Variants in KLF13 observed in about 807,000 individuals in gnomAD.
KLF13 encodes the protein Krueppel-like factor 13.
A neutral mutation model predicts 16.7 loss-of-function variants in KLF13; 8 were observed. The ratio of observed to expected loss-of-function variants is 0.48; its 90% CI spans 0.28 to 0.87. The LOEUF (loss-of-function observed/expected upper bound fraction) is 0.87, where lower values mean the gene tolerates loss of function less well. Among genes scored for constraint, KLF13 ranks in the 40% least tolerant of loss-of-function variants. The pLI is 0.10. For synonymous variants in KLF13, 245 were observed against 208.4 expected (o/e 1.18, Z -1.51); for missense variants, 447 against 452.2 (o/e 0.99, Z 0.10).
At chr15:31,380,741 T>C (rs1566827757), downstream of KLF13, among the ~76,000 whole-genome samples, 2 of 152,224 alleles carry the variant, frequency 1.3e-5, no homozygotes, top group Non-Finnish European at 2.9e-5. Context: ...AGTAAAGACA[T>C]GCAGCTACTC....
At position 31,377,201 on chromosome 15, in the gene KLF13, A is replaced by T. The variant is rs1386248462; in HGVS notation, c.*4902A>T. The T allele has an allele frequency of 6.6e-6, 1 of 152,634 alleles. No homozygotes were observed. Among genetic ancestry groups the T allele is most frequent in the East Asian group, 1.9e-4 (1 of 5,194 alleles). 9.5% of individuals were successfully genotyped at this position (152,634 alleles called of 1,614,324 possible). A position where few individuals can be genotyped will look rare whatever the true frequency, so the allele number is the denominator to read the frequency against. ...TGAGAGGAGCAAGAGGCCACCTCCC[A>T]TGTGGCTCTAGACACCACGTGGGCT... On this transcript the variant is annotated 3_prime_UTR_variant, in exon 2 of 2. Coordinates refer to ENST00000307145, the MANE Select transcript of KLF13 (RefSeq NM_015995.4).
At chr15:31,347,118 G>T (rs1456797933) in intron 1 of KLF13, among the ~76,000 whole-genome samples, 1 of 152,196 alleles carries the variant, frequency 6.6e-6, no homozygotes, top group East Asian at 1.9e-4. Context: ...AGGTCAAGCA[G>T]GGAATTCAGG....
intron 1 of KLF13, among the ~76,000 whole-genome samples, chr15:31,384,888 G>A (rs1159445325): frequency 6.6e-6 from 1 of 152,190 alleles, no homozygotes; most frequent in Non-Finnish European, 1.5e-5. Context: ...ATCCATACCT[G>A]CTATGGACTG....
intron 1 of KLF13, among the ~76,000 whole-genome samples, chr15:31,426,358 A>G (rs2040401464): frequency 6.6e-6 from 1 of 152,244 alleles, no homozygotes; most frequent in Admixed American, 6.5e-5. Flanking sequence ...TAAAACTCCT[A>G]GAAGAAAACA....
intron 2 of KLF13, among the ~76,000 whole-genome samples, chr15:31,398,244 G>C (rs2039982743): frequency 1.3e-5 from 2 of 152,184 alleles, no homozygotes; most frequent in Admixed American, 6.5e-5. Context: ...CCAGGCCTCA[G>C]AGGCACAACC....
upstream of KLF13, among the ~76,000 whole-genome samples, chr15:31,392,021 T>C (rs1418187044): frequency 1.3e-5 from 2 of 151,706 alleles, no homozygotes; most frequent in African/African-American, 4.8e-5. Flanking sequence ...GGCCGGGCCA[T>C]TCACTGCCTC....
intron 2 of KLF13, among the ~76,000 whole-genome samples, chr15:31,395,129 G>A (rs1040762849): frequency 6.6e-5 from 10 of 152,046 alleles, no homozygotes; most frequent in Admixed American, 3.9e-4. Context: ...GCAGATGCCC[G>A]CCACCACGCC....
intron 1 of KLF13, among the ~76,000 whole-genome samples, chr15:31,421,392 C>T (rs1008897001): frequency 3.9e-5 from 6 of 151,966 alleles, no homozygotes; most frequent in African/African-American, 1.5e-4. Context: ...AATGGTGGTA[C>T]ATAAATCACA....
chr15:31,378,776 T>C (rs2140973636), downstream of KLF13, among the ~76,000 whole-genome samples: 2 of 152,316 alleles, frequency 1.3e-5, 1 homozygote. Flanking sequence ...TGGAGTGCAA[T>C]GGTGGCAATC....
chr15:31,345,103 T>A (rs1280241105), intron 1 of KLF13, among the ~76,000 whole-genome samples: 1 of 152,140 alleles, frequency 6.6e-6, no homozygotes, highest in Admixed American at 6.5e-5. Flanking sequence ...GGGGGTTGGG[T>A]CTGGGTTCCA....
chr15:31,403,071 GCTCT>G (rs2040063779), intron 2 of KLF13, among the ~76,000 whole-genome samples: 1 of 152,226 alleles, frequency 6.6e-6, no homozygotes, highest in East Asian at 1.9e-4. Flanking sequence ...CTTCCCATTT[GCTCT>G]CTCTCTACGG....
intron 1 of KLF13, among the ~76,000 whole-genome samples, chr15:31,424,416 T>C (rs1279642059): frequency 6.6e-6 from 1 of 152,074 alleles, no homozygotes; most frequent in Non-Finnish European, 1.5e-5. Flanking sequence ...TGGTTTAACA[T>C]ATGAAAATCA....
chr15:31,327,892 G>A, intron 1 of KLF13, 103 bp downstream of exon 1: 1 of 1,159,256 alleles, frequency 8.6e-7, no homozygotes, highest in Non-Finnish European at 1.1e-6. Flanking sequence ...TGGGGGCCGG[G>A]CGGGCCGGAA....
At chr15:31,347,817 G>A (rs1299716185) in intron 1 of KLF13, among the ~76,000 whole-genome samples, 2 of 152,280 alleles carry the variant, frequency 1.3e-5, no homozygotes, top group Non-Finnish European at 2.9e-5. Context: ...CATATAGGCT[G>A]CAGGGGTTGG....
At chr15:31,368,057 C>G (rs1210958796) in intron 1 of KLF13, among the ~76,000 whole-genome samples, 2 of 151,818 alleles carry the variant, frequency 1.3e-5, no homozygotes. Flanking sequence ...TCCCTCACTC[C>G]CCTCCCCTCT....
chr15:31,327,318 G>A lies in KLF13; in HGVS notation c.106G>A (p.Glu36Lys), dbSNP rs1328157610. The change falls in exon 1 of 2, where the codon GAG (glutamate) becomes AAG (lysine). Residue 36 changes from glutamate to lysine, a missense_variant. Transcript: ENST00000307145. The part of the protein sequence containing the change: ...GPREGPESRP[E>K]GAAVAATPTL... ...GCGGGAGGGGCCGGAGTCCCGGCCC[G>A]AGGGCGCGGCCGTGGCCGCCACCCC... 6.2e-6 allele frequency: 8 copies of A among 1,287,110 alleles called. No individual in the cohort carries two copies. The highest frequency in any genetic ancestry group is 7.8e-6 in the Non-Finnish European group (8 of 1,021,566). 79.7% of individuals were successfully genotyped at this position (1,287,110 alleles called of 1,614,324 possible).
intron 1 of KLF13, among the ~76,000 whole-genome samples, chr15:31,371,497 C>G (rs536910453): frequency 2.2e-4 from 34 of 152,370 alleles, no homozygotes; most frequent in African/African-American, 7.7e-4. Flanking sequence ...CTACGCTGAC[C>G]CTCTCATGTG....
Position 31,358,540 on chromosome 15 carries a change from CTCTA to C in KLF13, c.578-13466_578-13463del, listed in dbSNP as rs1299418401. ...CTTTTCACACAGTTGTTTACCATCT[CTCTA>C]TCTTCTTTGGTAAGAGTGTTCAGAT... On this transcript the variant is annotated intron_variant, in intron 1 of 1. Coordinates refer to ENST00000307145, the MANE Select transcript of KLF13 (RefSeq NM_015995.4). Among the ~76,000 whole-genome samples the C allele has an allele frequency of 2.0e-5, 3 of 152,218 alleles. No homozygotes were observed. In the East Asian group the frequency reaches 5.8e-4, roughly 29 times the overall value.
Position 31,383,696 on chromosome 15 carries a change from C to G in KLF13, n.224-51674C>G, listed in dbSNP as rs111270613. On this transcript the variant is annotated intron_variant and non_coding_transcript_variant, in intron 1 of 1. Coordinates refer to the KLF13 transcript ENST00000558921. ...CGGGCAGATCACGAGGTCAGGAGAT[C>G]GAGACCATCCTGGCTAACACGGTGA... Among the ~76,000 whole-genome samples the G allele has an allele frequency of 7.8e-4, 118 of 152,068 alleles. 1 individual carries two copies. Among genetic ancestry groups the G allele is most frequent in the Admixed American group, 6.0e-3 (92 of 15,290 alleles).
Sources: allele counts gnomAD v4.1 joint callset (sites outside exome capture counted in the v4.1 genomes callset), GRCh38; gene constraint gnomAD v4.1.1; transcripts MANE v1.5; gene names NCBI Gene and HGNC (gene_info 2026-07-23, HGNC 2026-07-21).